ZNF532: variants seen among roughly 807,000 people sequenced by gnomAD.
The protein encoded by ZNF532 is zinc finger protein 532.
Under a neutral mutation model 89.3 loss-of-function variants are expected in ZNF532, and 22 were observed. The ratio of observed to expected loss-of-function variants is 0.25; its 90% CI spans 0.18 to 0.35. The LOEUF (loss-of-function observed/expected upper bound fraction) is 0.35, where lower values mean the gene tolerates loss of function less well. Ranked by LOEUF, ZNF532 falls within the 10% of genes least tolerant of loss-of-function variation. The pLI, the probability that ZNF532 is intolerant of heterozygous loss-of-function variation, is 1.00. For synonymous variants in ZNF532, 606 were observed against 649.6 expected, an observed-to-expected ratio of 0.93 and a Z score of 1.02; for missense variants, 1,132 against 1,643.4, an observed-to-expected ratio of 0.69 and a Z score of 5.38.
At chr18:58,908,933 T>C (rs1456304156) in intron 2 of ZNF532, among the ~76,000 whole-genome samples, 1 of 152,242 alleles carries the variant, frequency 6.6e-6, no homozygotes, top group African/African-American at 2.4e-5. Flanking sequence ...ATCTGTGTTT[T>C]ATGGTTTGTG....
intron 2 of ZNF532, among the ~76,000 whole-genome samples, chr18:58,871,651 G>GC (rs2056992497): frequency 6.6e-6 from 1 of 152,194 alleles, no homozygotes; most frequent in African/African-American, 2.4e-5. Flanking sequence ...AAAGACACTG[G>GC]CGCCGTTCAC....
chr18:58,929,018 A>T (rs944015428), intron 3 of ZNF532, among the ~76,000 whole-genome samples: 1 of 152,188 alleles, frequency 6.6e-6, no homozygotes, highest in Non-Finnish European at 1.5e-5. Context: ...TTCTTGTGGC[A>T]TTTATATCAG....
chr18:58,961,101 G>A (rs2065301601), intron 7 of ZNF532, among the ~76,000 whole-genome samples: 1 of 152,124 alleles, frequency 6.6e-6, no homozygotes, highest in Admixed American at 6.5e-5. Context: ...TCCCAAGATT[G>A]GAGTGTGCGT....
chr18:58,934,711 G>T, intron 4 of ZNF532, 97 bp downstream of exon 4: 1 of 1,200,634 alleles, frequency 8.3e-7, no homozygotes, highest in Non-Finnish European at 1.2e-6. Context: ...TGGGTCATAC[G>T]GTGATACCTC....
intron 2 of ZNF532, among the ~76,000 whole-genome samples, chr18:58,892,247 T>C (rs373402334): frequency 3.9e-5 from 6 of 152,194 alleles, no homozygotes; most frequent in African/African-American, 1.4e-4. Flanking sequence ...TTTGTAAGAA[T>C]TTATGAAGAA....
At chr18:58,869,349 G>A (rs1361761170) in intron 2 of ZNF532, among the ~76,000 whole-genome samples, 1 of 152,198 alleles carries the variant, frequency 6.6e-6, no homozygotes, top group East Asian at 1.9e-4. Flanking sequence ...TCTCTAATGG[G>A]ATGACATGCT....
Position 58,896,242 on chromosome 18 carries a change from T to C in ZNF532, c.-17-22029T>C, listed in dbSNP as rs554220489. On this transcript the variant is annotated intron_variant, in intron 2 of 9. Transcript: ENST00000591808. ...GTTTGTTTTTTAAGTAAAATATACA[T>C]AATATTTGTCATCTTAACCATAAGT... is the stretch of plus-strand genomic sequence containing the variant. Among the ~76,000 whole-genome samples the C allele has an allele frequency of 1.2e-4, 18 of 152,262 alleles. No homozygotes were observed. The East Asian group carries it at 3.5e-3, about 29-fold the overall frequency.
intron 3 of ZNF532, among the ~76,000 whole-genome samples, chr18:58,924,379 TAGTC>T (rs984498296): frequency 6.6e-6 from 1 of 152,222 alleles, no homozygotes; most frequent in African/African-American, 2.4e-5. Context: ...AGTGTCTAGT[TAGTC>T]TAGTCTCATC....
At position 58,918,647 on chromosome 18, in the gene ZNF532, A is replaced by G. The variant is rs763436852; in HGVS notation, c.360A>G (p.Thr120=). 5.6e-6 allele frequency: 9 copies of G among 1,614,204 alleles called. No homozygotes were observed. The East Asian group carries it at 1.1e-4, about 20-fold the overall frequency. Residue 120 remains threonine, a synonymous_variant, in exon 3 of 10, where the codon ACA becomes ACG. Coordinates refer to ENST00000591808, the MANE Select transcript of ZNF532 (RefSeq NM_001375912.1). ...LKGDVPASEV[T]LKDSTFSQFS... ...GAGATGTGCCTGCCTCTGAGGTGAC[A>G]CTGAAAGACTCGACATTCAGCCAGT...
At chr18:58,926,988 G>C (rs1363761121) in intron 3 of ZNF532, among the ~76,000 whole-genome samples, 1 of 151,984 alleles carries the variant, frequency 6.6e-6, no homozygotes, top group Middle Eastern at 3.2e-3. Flanking sequence ...TTTTTGTTCT[G>C]TTCTTGTTTG....
chr18:58,951,646 G>GTTTTTTTTTTTTGGTT (rs1568405970), intron 6 of ZNF532, among the ~76,000 whole-genome samples: 10 of 72,598 alleles, frequency 1.4e-4, no homozygotes, highest in Admixed American at 5.7e-4. Context: ...TCGCCCTGTT[G>GTTTTTTTTTTTTGGTT]TTTTTTTTTT....
At chr18:58,958,408 T>TA (rs1219810750) in intron 7 of ZNF532, among the ~76,000 whole-genome samples, 3 of 152,254 alleles carry the variant, frequency 2.0e-5, no homozygotes, top group African/African-American at 7.2e-5. Flanking sequence ...GTAAAAAACT[T>TA]ACCAATTTCT....
intron 7 of ZNF532, among the ~76,000 whole-genome samples, chr18:58,968,951 C>G (rs564101225): frequency 4.3e-4 from 65 of 152,084 alleles, no homozygotes; most frequent in Non-Finnish European, 7.5e-4. Context: ...ACCTTGAAAC[C>G]TAAAACAACT....
chr18:58,902,124 C>T (rs940323252), intron 2 of ZNF532, among the ~76,000 whole-genome samples: 1 of 152,090 alleles, frequency 6.6e-6, no homozygotes, highest in African/African-American at 2.4e-5. Context: ...ATTGTGGCTG[C>T]GCATCCCAGT....
Position 58,916,882 on chromosome 18 carries a change from A to AG in ZNF532, c.-17-1388dup, listed in dbSNP as rs2060637458. Among the ~76,000 whole-genome samples the AG allele has an allele frequency of 3.9e-5, 6 of 152,294 alleles. No homozygotes were observed. The South Asian group carries it at 1.2e-3, about 32-fold the overall frequency. On this transcript the variant is annotated intron_variant, in intron 2 of 9. Coordinates refer to ENST00000591808, the MANE Select transcript of ZNF532 (RefSeq NM_001375912.1). ...TGTGTGATGTTTTCTAGATTGTACA[A>AG]GAAAAAAAAAATCAAGTGCTTCAGT... is the stretch of plus-strand genomic sequence containing the variant.
At chr18:58,887,413 G>A (rs1028032832) in intron 2 of ZNF532, among the ~76,000 whole-genome samples, 3 of 152,192 alleles carry the variant, frequency 2.0e-5, no homozygotes, top group African/African-American at 4.8e-5. Flanking sequence ...GAACCTTCAC[G>A]CTCACAGCAA....
chr18:58,963,821 CAA>C (rs58734985), intron 7 of ZNF532, among the ~76,000 whole-genome samples: 76 of 82,712 alleles, frequency 9.2e-4, no homozygotes, highest in Admixed American at 1.9e-3. Flanking sequence ...GACCCTGTCT[CAA>C]AAAAAAAAAA....
At position 58,918,277 on chromosome 18, in the gene ZNF532, T is replaced by G. The variant is rs2060753381; in HGVS notation, c.-11T>G. Reference sequence around the variant, plus strand: ...TTTTCTGCTCATTTAACAGAACATCTGCTCAAATTAATGACCATGGGGGAT... The same window carrying G: ...TTTTCTGCTCATTTAACAGAACATCGGCTCAAATTAATGACCATGGGGGAT... On this transcript the variant is annotated 5_prime_UTR_variant, in exon 3 of 10. Coordinates refer to ENST00000591808, the MANE Select transcript of ZNF532 (RefSeq NM_001375912.1). 6.2e-7 allele frequency: 1 copy of G among 1,607,110 alleles called. No homozygotes were observed. The highest frequency in any genetic ancestry group is 2.2e-5 in the East Asian group (1 of 44,778).
chr18:58,867,671 C>T (rs548551760), intron 2 of ZNF532, among the ~76,000 whole-genome samples: 3 of 152,346 alleles, frequency 2.0e-5, no homozygotes, highest in South Asian at 2.1e-4. Flanking sequence ...GCTCTAAAGA[C>T]GACCTGCGGT....
Sources: allele counts gnomAD v4.1 joint callset (sites outside exome capture counted in the v4.1 genomes callset), GRCh38; gene constraint gnomAD v4.1.1; transcripts MANE v1.5; gene names NCBI Gene and HGNC (gene_info 2026-07-23, HGNC 2026-07-21).